The following CFAP54 variants were observed in gnomAD, a reference collection of about 807,000 sequenced individuals.
The protein encoded by CFAP54 is cilia and flagella associated protein 54, also known as cilia- and flagella-associated protein 54.
A neutral mutation model predicts 370.4 loss-of-function variants in CFAP54; 290 were observed. The ratio of observed to expected loss-of-function variants is 0.78; its 90% CI spans 0.71 to 0.86. CFAP54 has a LOEUF of 0.86. Ranked by LOEUF, CFAP54 falls within the 40% of genes least tolerant of loss-of-function variation. CFAP54 has a pLI of 0.00. For missense variants in CFAP54, 3,399 were observed against 3,528.7 expected, an observed-to-expected ratio of 0.96 and a Z score of 0.93; for synonymous variants, 1,206 against 1,236.5, an observed-to-expected ratio of 0.98 and a Z score of 0.52.
At chr12:96,744,170 G>A (rs760591254) in intron 55 of CFAP54, 24 bp downstream of exon 55, 1 of 1,572,430 alleles carries the variant, frequency 6.4e-7, no homozygotes. Flanking sequence ...AACTTATATT[G>A]CCCTAGAATA....
rs371257674 is a variant in CFAP54 at position 96,742,406 on chromosome 12, T to C, written c.7072-33T>C. On this transcript the variant is annotated intron_variant, in intron 51 of 67. Transcript: ENST00000524981. ...AGGCTAGAACCTTGACATTATTAAA[T>C]GGAAAGATAACCATCATTTTAATAT... 35 of 1,491,812 alleles carry C rather than the reference T, an allele frequency of 2.3e-5. No homozygotes were observed. The African/African-American group carries it at 4.8e-4, about 20-fold the overall frequency. 92.4% of individuals were successfully genotyped at this position (1,491,812 alleles called of 1,614,324 possible). A position where few individuals can be genotyped will look rare whatever the true frequency, so the allele number is the denominator to read the frequency against.
intron 63 of CFAP54, among the ~76,000 whole-genome samples, chr12:96,800,102 G>C (rs1047245998): frequency 2.0e-5 from 3 of 152,132 alleles, no homozygotes. Flanking sequence ...GAGGAAGAAA[G>C]CATAAAGTTT....
chr12:96,570,309 T>A (rs1955903110), intron 19 of CFAP54, among the ~76,000 whole-genome samples: 1 of 147,144 alleles, frequency 6.8e-6, no homozygotes, highest in African/African-American at 2.5e-5. Context: ...AGTCTTTTTT[T>A]CTTTTCTTTT....
chr12:96,580,053 T>A (rs974307133), intron 20 of CFAP54, among the ~76,000 whole-genome samples: 3 of 151,694 alleles, frequency 2.0e-5, no homozygotes, highest in East Asian at 1.9e-4. Context: ...CTTTTTCATA[T>A]GTATTTTTAT....
intron 60 of CFAP54, among the ~76,000 whole-genome samples, chr12:96,766,765 A>G (rs1958405341): frequency 6.6e-6 from 1 of 152,078 alleles, no homozygotes; most frequent in South Asian, 2.1e-4. Context: ...ATTACTTCTG[A>G]ATGATGTGTT....
chr12:96,645,377 G>T (rs1057114999), intron 33 of CFAP54: 4 of 288,630 alleles, frequency 1.4e-5, no homozygotes, highest in Non-Finnish European at 2.8e-5. Flanking sequence ...AAATACCCAG[G>T]AATCCAACTT....
In CFAP54 at chr12:96,654,750, C is replaced by A. The variant is rs77667488; in HGVS notation, c.5100+2935C>A. Among the ~76,000 whole-genome samples the A allele has an allele frequency of 7.5e-3, 1,132 of 151,798 alleles. 5 individuals are homozygous for A. Among genetic ancestry groups the A allele is most frequent in the Admixed American group, 0.014 (206 of 15,198 alleles). On this transcript the variant is annotated intron_variant, in intron 36 of 67. Transcript: ENST00000524981. ...CTATCTACCTTTCCACTGTTAACCT[C>A]CATATGTTCACATTTTTTAGCTGCC...
At position 96,807,307 on chromosome 12, in the gene CFAP54, A is replaced by G. The variant is rs545700818; in HGVS notation, c.8851-4429A>G. ...TCATCCCTACTATTGATTTCTTTAC[A>G]AACACATATAATTTAGCTGCTTACT... On this transcript the variant is annotated intron_variant, in intron 63 of 67. Coordinates refer to ENST00000524981, the MANE Select transcript of CFAP54 (RefSeq NM_001306084.2). Among the ~76,000 whole-genome samples, 10 of 152,324 alleles carry G rather than the reference A, an allele frequency of 6.6e-5. No individual in the cohort carries two copies. The South Asian group carries it at 2.1e-3, about 32-fold the overall frequency.
chr12:96,868,937 G>A (rs947651732), intron 67 of CFAP54, among the ~76,000 whole-genome samples: 10 of 152,062 alleles, frequency 6.6e-5, no homozygotes, highest in African/African-American at 2.4e-4. Flanking sequence ...TACTGATCCT[G>A]GTACTCATTC....
chr12:96,668,619 A>T (rs192444195), intron 39 of CFAP54, among the ~76,000 whole-genome samples: 1 of 152,234 alleles, frequency 6.6e-6, no homozygotes, highest in Non-Finnish European at 1.5e-5. Context: ...TGGGAGCTAC[A>T]ATTCAAGATG....
Position 96,554,240 on chromosome 12 carries a change from G to A in CFAP54, c.2213G>A (p.Gly738Glu). 3 of 1,527,414 alleles carry A rather than the reference G, an allele frequency of 2.0e-6. No individual in the cohort carries two copies. Among genetic ancestry groups the A allele is most frequent in the Non-Finnish European group, 2.6e-6 (3 of 1,142,722 alleles). The allele number at this position is 1,527,414 out of a possible 1,614,324, so 94.6% of individuals were successfully genotyped here. The part of the protein sequence containing the change: ...AYKLLDRAIG[G>E]INLNCMLTSL... ...AAACTTCTTGACAGAGCAATCGGTG[G>A]AATAAATTTGAATTGCATGTTAACC... is the stretch of plus-strand genomic sequence containing the variant. Residue 738 changes from glycine (G) to glutamate (E), a missense_variant, in exon 16 of 68, where the codon GGA becomes GAA. Gly to Glu is a moderately conservative substitution (Grantham distance 98, BLOSUM62 -2). This residue lies in a region of CFAP54 where 2,796 missense variants were observed against 2,869.7 expected (regional missense o/e 0.97). Coordinates refer to ENST00000524981, the MANE Select transcript of CFAP54 (RefSeq NM_001306084.2).
chr12:96,666,656 T>A (rs1437136606), intron 39 of CFAP54, among the ~76,000 whole-genome samples: 1 of 152,166 alleles, frequency 6.6e-6, no homozygotes. Context: ...TCCACCCCGA[T>A]GATTCAGTTA....
chr12:96,827,008 TATA>T (rs1319746617), intron 65 of CFAP54, among the ~76,000 whole-genome samples: 1 of 133,044 alleles, frequency 7.5e-6, no homozygotes, highest in African/African-American at 2.9e-5. Flanking sequence ...TATGATTAAT[TATA>T]ATATGCAATT....
chr12:96,607,821 C>A (rs1308745531), intron 26 of CFAP54, among the ~76,000 whole-genome samples: 2 of 150,082 alleles, frequency 1.3e-5, no homozygotes, highest in East Asian at 3.9e-4. Context: ...ATCAGTGATG[C>A]TAGAAGTTAA....
chr12:96,620,865 A>G (rs926513403), intron 26 of CFAP54, among the ~76,000 whole-genome samples: 2 of 152,256 alleles, frequency 1.3e-5, no homozygotes, highest in African/African-American at 4.8e-5. Flanking sequence ...GTGGGAAGAC[A>G]TGAAGTCCTG....
chr12:96,489,845 T>G lies in CFAP54; in HGVS notation c.236T>G (p.Ile79Ser). The change falls in exon 1 of 68, where the codon ATC becomes AGC. Residue 79 changes from isoleucine to serine, a missense_variant. This residue lies in a region of CFAP54 where 559 missense variants were observed against 576.7 expected (regional missense o/e 0.97). Transcript: ENST00000524981. Reference sequence around the variant, plus strand: ...CTCCTGGCCTCTTGTGAGAAGGAGATCCAGGAGTTGTTAGGCTTTATGAGG... The same window carrying G: ...CTCCTGGCCTCTTGTGAGAAGGAGAGCCAGGAGTTGTTAGGCTTTATGAGG... ...NPLLASCEKEIQELLGFMRKK... is the reference protein window; with the variant it reads ...NPLLASCEKESQELLGFMRKK... The G allele has an allele frequency of 1.3e-6, 2 of 1,536,072 alleles. No homozygotes were observed. The highest frequency in any genetic ancestry group is 1.7e-6 in the Non-Finnish European group (2 of 1,146,900).
At chr12:96,577,070 G>C (rs554732381) in intron 20 of CFAP54, among the ~76,000 whole-genome samples, 1 of 152,120 alleles carries the variant, frequency 6.6e-6, no homozygotes, top group Non-Finnish European at 1.5e-5. Flanking sequence ...TGACATCCTC[G>C]TGTGCTCAAG....
At chr12:96,811,394 G>A (rs1958926693) in intron 63 of CFAP54, among the ~76,000 whole-genome samples, 1 of 152,176 alleles carries the variant, frequency 6.6e-6, no homozygotes, top group African/African-American at 2.4e-5. Flanking sequence ...TACACATTGA[G>A]AAGTAACAAG....
At chr12:96,651,894 GTTT>G in intron 36 of CFAP54, 79 bp downstream of exon 36, 1 of 689,818 alleles carries the variant, frequency 1.4e-6, no homozygotes, top group Non-Finnish European at 2.3e-6. Context: ...AGTAGAAACT[GTTT>G]TTTTTTTTAT....
Sources: allele counts gnomAD v4.1 joint callset (sites outside exome capture counted in the v4.1 genomes callset), GRCh38; gene constraint gnomAD v4.1.1; regional missense constraint gnomAD v4.1.1; transcripts MANE v1.5; gene names NCBI Gene and HGNC (gene_info 2026-07-23, HGNC 2026-07-21).